The following HPSE2 variants were observed in gnomAD, a reference collection of about 807,000 sequenced individuals.
HPSE2 encodes the protein inactive heparanase-2.
A neutral mutation model predicts 60.5 loss-of-function variants in HPSE2; 38 were observed. The ratio of observed to expected loss-of-function variants is 0.63; its 90% CI spans 0.48 to 0.82. The LOEUF (loss-of-function observed/expected upper bound fraction) is 0.82, where lower values mean the gene tolerates loss of function less well. Among genes scored for constraint, HPSE2 ranks in the 40% least tolerant of loss-of-function variants. The pLI, the probability that HPSE2 is intolerant of heterozygous loss-of-function variation, is 0.00. For missense variants in HPSE2, 713 were observed against 740.4 expected (o/e 0.96, Z 0.43); for synonymous variants, 295 against 293.2 (o/e 1.01, Z -0.06).
At chr10:99,287,700 T>C in the HPSE2 span, among the ~76,000 whole-genome samples, 1 of 152,172 alleles carries the variant, frequency 6.6e-6, no homozygotes, top group Non-Finnish European at 1.5e-5. Context: ...TTTCCCTAGG[T>C]GGTTCACTTT....
At chr10:99,155,423 C>A (rs1215798114) in intron 2 of HPSE2, among the ~76,000 whole-genome samples, 1 of 148,838 alleles carries the variant, frequency 6.7e-6, no homozygotes, top group Non-Finnish European at 1.5e-5. Context: ...ACAGTGCAAT[C>A]AAACTAGAAC....
Position 99,116,061 on chromosome 10 carries a change from T to C in HPSE2, c.610+28177A>G, listed in dbSNP as rs188268283. Among the ~76,000 whole-genome samples, 31 of 152,310 alleles carry C rather than the reference T, an allele frequency of 2.0e-4. No individual in the cohort carries two copies. In the East Asian group the frequency reaches 5.6e-3, roughly 27 times the overall value. ...CCAACAAATGTTCATCTAGTTAGCA[T>C]CATGCCTTAAAAGAACCCAAAATGT... is the stretch of plus-strand genomic sequence containing the variant. On this transcript the variant is annotated intron_variant, in intron 3 of 11. Transcript: ENST00000370552.
At chr10:99,140,413 AC>A (rs1456545458) in intron 3 of HPSE2, among the ~76,000 whole-genome samples, 1 of 152,212 alleles carries the variant, frequency 6.6e-6, no homozygotes, top group Non-Finnish European at 1.5e-5. Flanking sequence ...CTGTCTGGAT[AC>A]AGACAGTTGA....
At chr10:98,719,861 C>T (rs1164757208) in intron 5 of HPSE2, among the ~76,000 whole-genome samples, 1 of 151,834 alleles carries the variant, frequency 6.6e-6, no homozygotes, top group African/African-American at 2.4e-5. Flanking sequence ...ATTAGCCAGG[C>T]ATGGTGGCAC....
intron 3 of HPSE2, among the ~76,000 whole-genome samples, chr10:98,974,540 A>G (rs946193162): frequency 1.3e-5 from 2 of 152,106 alleles, no homozygotes; most frequent in Non-Finnish European, 2.9e-5. Context: ...TGCTGGGATT[A>G]CAGGTGTGAG....
In HPSE2 at chr10:98,777,941, T is replaced by C. The variant is rs146594882; in HGVS notation, c.611-33885A>G. ...GGCACAGGTATGCCTAACGCAAACATACTAGACACAGCAACACGCAAGACC... is the reference window on the plus strand; with the variant it reads ...GGCACAGGTATGCCTAACGCAAACACACTAGACACAGCAACACGCAAGACC... On this transcript the variant is annotated intron_variant, in intron 3 of 11. Transcript: ENST00000370552. 8.5e-5 allele frequency among the ~76,000 whole-genome samples: 13 copies of C among 152,174 alleles called. No homozygotes were observed. The East Asian group carries it at 2.1e-3, about 25-fold the overall frequency.
chr10:98,599,910 A>T (rs1196668875), intron 9 of HPSE2, among the ~76,000 whole-genome samples: 1 of 152,190 alleles, frequency 6.6e-6, no homozygotes, highest in Non-Finnish European at 1.5e-5. Context: ...TTTTTGGCTA[A>T]TTTTAAAGAC....
At chr10:98,984,369 C>T (rs1212732901) in intron 3 of HPSE2, among the ~76,000 whole-genome samples, 2 of 152,188 alleles carry the variant, frequency 1.3e-5, no homozygotes, top group Non-Finnish European at 2.9e-5. Context: ...GCTGCTGATA[C>T]CCAGGCAAAC....
At chr10:98,688,022 T>G (rs960469044) in intron 6 of HPSE2, among the ~76,000 whole-genome samples, 3 of 151,968 alleles carry the variant, frequency 2.0e-5, no homozygotes, top group African/African-American at 7.3e-5. Context: ...TGTTCCTCTC[T>G]TTCTCCTTGC....
chr10:99,303,340 C>A, the HPSE2 span, among the ~76,000 whole-genome samples: 1 of 152,138 alleles, frequency 6.6e-6, no homozygotes, highest in Admixed American at 6.6e-5. Flanking sequence ...TAACTTCAGA[C>A]CTCCTGCTTG....
intron 3 of HPSE2, among the ~76,000 whole-genome samples, chr10:98,975,539 TG>T (rs1479258894): frequency 6.6e-6 from 1 of 152,154 alleles, no homozygotes; most frequent in East Asian, 1.9e-4. Context: ...CAACAGTTGC[TG>T]AGATTAGAAT....
chr10:99,050,021 G>T (rs1957952760), intron 3 of HPSE2, among the ~76,000 whole-genome samples: 1 of 152,186 alleles, frequency 6.6e-6, no homozygotes, highest in Non-Finnish European at 1.5e-5. Flanking sequence ...AATGTAAGCT[G>T]GGCACAGTGG....
intron 6 of HPSE2, among the ~76,000 whole-genome samples, chr10:98,653,056 C>T (rs947139806): frequency 6.6e-6 from 1 of 152,142 alleles, no homozygotes; most frequent in Admixed American, 6.5e-5. Context: ...TTGTTAGATG[C>T]ATACATGTTT....
chr10:98,879,756 A>G (rs1323321230), intron 3 of HPSE2, among the ~76,000 whole-genome samples: 2 of 151,928 alleles, frequency 1.3e-5, no homozygotes, highest in African/African-American at 4.8e-5. Context: ...GGTTTTATGG[A>G]GCAAACATTT....
chr10:98,734,010 C>T (rs1384176704), intron 4 of HPSE2, among the ~76,000 whole-genome samples: 2 of 152,286 alleles, frequency 1.3e-5, no homozygotes, highest in Non-Finnish European at 2.9e-5. Context: ...TCACCCCTCA[C>T]CCCTCATGGG....
intron 3 of HPSE2, among the ~76,000 whole-genome samples, chr10:99,032,465 G>A (rs1957519141): frequency 6.6e-6 from 1 of 151,984 alleles, no homozygotes; most frequent in African/African-American, 2.4e-5. Flanking sequence ...CTTACTCCCT[G>A]CCCCATCCCT....
chr10:98,969,528 C>T (rs1356190754), intron 3 of HPSE2, among the ~76,000 whole-genome samples: 2 of 152,148 alleles, frequency 1.3e-5, no homozygotes, highest in East Asian at 3.9e-4. Context: ...ACTCTCTCTT[C>T]TTCATGTTTC....
intron 9 of HPSE2, among the ~76,000 whole-genome samples, chr10:98,530,322 A>G (rs1318600741): frequency 6.6e-6 from 1 of 152,196 alleles, no homozygotes; most frequent in Non-Finnish European, 1.5e-5. Flanking sequence ...TTTAGCATGC[A>G]TAAAGGATCA....
At chr10:99,310,022 C>A in the HPSE2 span, among the ~76,000 whole-genome samples, 1 of 152,216 alleles carries the variant, frequency 6.6e-6, no homozygotes, top group Non-Finnish European at 1.5e-5. Context: ...GGGGAAAATT[C>A]TTTATCTCTT....
Sources: allele counts gnomAD v4.1 joint callset (sites outside exome capture counted in the v4.1 genomes callset), GRCh38; gene constraint gnomAD v4.1.1; transcripts MANE v1.5; gene names NCBI Gene and HGNC (gene_info 2026-07-23, HGNC 2026-07-21).